The following FRY variants were observed in gnomAD, a reference collection of about 807,000 sequenced individuals.
FRY encodes the protein FRY microtubule binding protein, also known as protein furry homolog.
Under a neutral mutation model 348.4 loss-of-function variants are expected in FRY, and 128 were observed. The ratio of observed to expected loss-of-function variants is 0.37; its 90% CI spans 0.32 to 0.43. The LOEUF is 0.43. Among genes scored for constraint, FRY ranks in the 20% least tolerant of loss-of-function variants. The probability of loss-of-function intolerance (pLI) is 1.00; values close to 1 mark genes in which losing one functional copy is unlikely to be tolerated. For missense variants in FRY, 2,736 were observed against 3,695.2 expected (o/e 0.74, Z 6.73); for synonymous variants, 1,370 against 1,374.7 (o/e 1.00, Z 0.08).
intron 2 of FRY, among the ~76,000 whole-genome samples, chr13:32,099,802 A>G (rs1487040567): frequency 6.6e-6 from 1 of 151,608 alleles, no homozygotes; most frequent in Non-Finnish European, 1.5e-5. Flanking sequence ...TGTCTGAATT[A>G]AACTCTTTGA....
chr13:32,262,886 A>T (rs1887737537), intron 53 of FRY, among the ~76,000 whole-genome samples: 1 of 152,222 alleles, frequency 6.6e-6, no homozygotes, highest in Non-Finnish European at 1.5e-5. Flanking sequence ...CCTTTGTAGG[A>T]AACAATTATA....
At chr13:32,149,884 C>A in intron 14 of FRY, 50 bp downstream of exon 14, 2 of 1,132,494 alleles carry the variant, frequency 1.8e-6, no homozygotes, top group South Asian at 1.2e-5. Flanking sequence ...CTTCCGGAGC[C>A]ATACCTTTGC....
At position 32,124,280 on chromosome 13, in the gene FRY, T is replaced by C. The variant is rs769476209; in HGVS notation, c.465-6T>C. On this transcript the variant is annotated splice_polypyrimidine_tract_variant and splice_region_variant and intron_variant, in intron 4 of 60. Coordinates refer to ENST00000542859, the MANE Select transcript of FRY (RefSeq NM_023037.3). ...TGCTTTAATGTAAATATTTTAAATT[T>C]TACAGCGATGAACAACAGCGAGATT... The C allele has an allele frequency of 6.5e-7, 1 of 1,545,064 alleles. No individual in the cohort carries two copies. Among genetic ancestry groups the C allele is most frequent in the Non-Finnish European group, 9.0e-7 (1 of 1,117,096 alleles).
rs1172419728 is a variant in FRY, at chr13:32,179,774, G to T, written c.2971G>T (p.Gly991Ter). Residue 991 changes from glycine to a stop codon, truncating the protein, a stop_gained, in exon 23 of 61, where the codon GGA becomes TGA. Coordinates refer to ENST00000542859, the MANE Select transcript of FRY (RefSeq NM_023037.3). LOFTEE classifies it high-confidence loss of function. ...EITESLVLGFGRTNSLVFREL... is the reference protein window; with the variant it reads ...EITESLVLGF ...CACAGAGTCCTTAGTTTTAGGATTT[G>T]GAAGAACAAATTCCCTTGTTTTCAG... The T allele has an allele frequency of 6.2e-7, 1 of 1,613,742 alleles. No individual in the cohort carries two copies. The highest frequency in any genetic ancestry group is 8.5e-7 in the Non-Finnish European group (1 of 1,179,652).
rs373990831 is a variant in FRY, at chr13:32,209,711, G to A, written c.4402G>A (p.Asp1468Asn). ...FLISLCGVSS[D>N]TVLLPYIKKV... is the part of the protein sequence containing the mutation. ...GATTAGCCTCTGTGGGGTCAGCAGC[G>A]ACACAGTTCTCCTACCCTATGTAAG... The change falls in exon 33 of 61, where the codon GAC becomes AAC. Residue 1468 changes from aspartate to asparagine, a missense_variant. By Grantham distance (23) the Asp-to-Asn change is conservative (BLOSUM62 1). Coordinates refer to ENST00000542859, the MANE Select transcript of FRY (RefSeq NM_023037.3). The A allele has an allele frequency of 2.5e-6, 4 of 1,614,026 alleles. No individual in the cohort carries two copies. Among genetic ancestry groups the A allele is most frequent in the South Asian group, 1.1e-5 (1 of 91,090 alleles).
At chr13:32,043,495 C>T (rs1872855199) in intron 1 of FRY, among the ~76,000 whole-genome samples, 1 of 152,138 alleles carries the variant, frequency 6.6e-6, no homozygotes, top group African/African-American at 2.4e-5. Context: ...CTGTTTTACA[C>T]ATGTGGAAAG....
chr13:32,271,294 T>G (rs1051749800), intron 55 of FRY, among the ~76,000 whole-genome samples: 4 of 152,188 alleles, frequency 2.6e-5, no homozygotes, highest in Non-Finnish European at 5.9e-5. Flanking sequence ...CCTTAAGTTC[T>G]CCAAGCCTCA....
At chr13:32,208,719 C>T in intron 31 of FRY, 134 bp from the exon 32 acceptor site, 1 of 1,033,152 alleles carries the variant, frequency 9.7e-7, no homozygotes, top group Non-Finnish European at 1.5e-6. Flanking sequence ...ATTCTGTGGC[C>T]TTGGGGAGCT....
At chr13:32,190,359 A>C (rs1566120958) in intron 28 of FRY, among the ~76,000 whole-genome samples, 1 of 152,136 alleles carries the variant, frequency 6.6e-6, no homozygotes, top group Non-Finnish European at 1.5e-5. Context: ...AGAATAATAA[A>C]ACATAAATAA....
At chr13:32,110,903 G>T (rs1293414199) in intron 3 of FRY, among the ~76,000 whole-genome samples, 2 of 152,198 alleles carry the variant, frequency 1.3e-5, no homozygotes, top group South Asian at 4.1e-4. Context: ...TCAGAATTCA[G>T]ATCCTTATTG....
chr13:32,077,997 G>A (rs1221374474), intron 1 of FRY, among the ~76,000 whole-genome samples: 1 of 152,168 alleles, frequency 6.6e-6, no homozygotes, highest in Admixed American at 6.5e-5. Context: ...TGTGGGAGGG[G>A]TGGTAGAATT....
intron 1 of FRY, among the ~76,000 whole-genome samples, chr13:32,041,749 G>A (rs772793229): frequency 3.3e-5 from 5 of 152,140 alleles, no homozygotes; most frequent in Non-Finnish European, 2.9e-5. Flanking sequence ...ATACAGCTGC[G>A]AGAGAATAGG....
chr13:32,291,971 T>TTTG (rs904716122), intron 59 of FRY: 2 of 451,998 alleles, frequency 4.4e-6, no homozygotes, highest in Non-Finnish European at 8.9e-6. Flanking sequence ...ATAAAGTTTT[T>TTTG]TTGTTGTTGT....
chr13:32,280,878 A>T (rs1447272470), intron 58 of FRY, among the ~76,000 whole-genome samples: 1 of 152,148 alleles, frequency 6.6e-6, no homozygotes, highest in East Asian at 1.9e-4. Context: ...CAACTTTAAA[A>T]TACGTATTTC....
At chr13:32,241,185 T>C (rs1232051174) in intron 46 of FRY, among the ~76,000 whole-genome samples, 4 of 152,204 alleles carry the variant, frequency 2.6e-5, no homozygotes, top group Non-Finnish European at 5.9e-5. Flanking sequence ...TTTGTTCTGC[T>C]TGCAAAGGCA....
chr13:32,105,554 T>C (rs1311821457), intron 3 of FRY, among the ~76,000 whole-genome samples: 1 of 152,224 alleles, frequency 6.6e-6, no homozygotes, highest in Non-Finnish European at 1.5e-5. Flanking sequence ...AACATTCAAA[T>C]TATATAGTTT....
rs1039490474 is a variant in FRY, at chr13:32,208,730, C to T, written c.4019-123C>T. On this transcript the variant is annotated intron_variant, in intron 31 of 60. Transcript: ENST00000542859. Reference sequence around the variant, plus strand: ...TATCATTCTGTGGCCTTGGGGAGCTCCTGTATGTGAAAATGTTTTGTAAAC... The same window carrying T: ...TATCATTCTGTGGCCTTGGGGAGCTTCTGTATGTGAAAATGTTTTGTAAAC... The T allele has an allele frequency of 1.1e-5, 13 of 1,163,392 alleles. No homozygotes were observed. In the African/African-American group the frequency reaches 1.8e-4, roughly 16 times the overall value. The allele number at this position is 1,163,392 out of a possible 1,614,324, so 72.1% of individuals were successfully genotyped here. A position where few individuals can be genotyped will look rare whatever the true frequency, so the allele number is the denominator to read the frequency against.
rs1223238121 is a variant in FRY at position 32,218,782 on chromosome 13, C to T, written c.4716C>T (p.Leu1572=). 6 of 1,607,018 alleles carry T rather than the reference C, an allele frequency of 3.7e-6. No individual in the cohort carries two copies. The highest frequency in any genetic ancestry group is 2.2e-5 in the East Asian group (1 of 44,838). ...FSNVIRAHTR[L]ESRYSNSSGG... is the part of the protein sequence containing the mutation. ...ATGTCATCAGAGCCCACACTCGCCT[C>T]GAGTCAAGATACAGCAATAGCTCTG... is the stretch of plus-strand genomic sequence containing the variant. The change falls in exon 36 of 61, where the codon CTC becomes CTT. Residue 1572 remains leucine, a synonymous_variant. Coordinates refer to ENST00000542859, the MANE Select transcript of FRY (RefSeq NM_023037.3).
At chr13:32,104,117 C>G (rs901483541) in intron 3 of FRY, among the ~76,000 whole-genome samples, 1 of 152,110 alleles carries the variant, frequency 6.6e-6, no homozygotes, top group East Asian at 1.9e-4. Context: ...CTGAGAAAAT[C>G]GTTCTAAATT....
Sources: allele counts gnomAD v4.1 joint callset (sites outside exome capture counted in the v4.1 genomes callset), GRCh38; gene constraint gnomAD v4.1.1; transcripts MANE v1.5; gene names NCBI Gene and HGNC (gene_info 2026-07-23, HGNC 2026-07-21).